Variants in TMEM179 observed in about 807,000 individuals in gnomAD.
The protein encoded by TMEM179 is transmembrane protein 179A.
In TMEM179, 17 loss-of-function variants were observed where a neutral mutation model predicts 22.2. The observed-to-expected ratio is 0.77, with a 90% CI of 0.52 to 1.15. The LOEUF (loss-of-function observed/expected upper bound fraction) is 1.15, where lower values mean the gene tolerates loss of function less well. Ranked by LOEUF, TMEM179 falls within the 50% of genes most tolerant of loss-of-function variation. The pLI is 0.00. For synonymous variants in TMEM179, 127 were observed against 140.5 expected (o/e 0.90, Z 0.68); for missense variants, 265 against 313.6 (o/e 0.84, Z 1.17).
intron 1 of TMEM179, among the ~76,000 whole-genome samples, chr14:104,602,110 G>A (rs369863598): frequency 2.7e-4 from 41 of 152,256 alleles, no homozygotes; most frequent in Admixed American, 3.9e-4. Flanking sequence ...AGTTTGCCAC[G>A]GCTGACAGAC....
At chr14:104,602,701 C>A (rs534215962) in intron 1 of TMEM179, among the ~76,000 whole-genome samples, 11 of 152,336 alleles carry the variant, frequency 7.2e-5, no homozygotes, top group African/African-American at 2.6e-4. Context: ...GGGCAGGACA[C>A]CACCCTGCGC....
In TMEM179 at chr14:104,591,308, C is replaced by T; in HGVS notation, c.*2171G>A. The T allele has an allele frequency of 8.9e-6, 4 of 451,408 alleles. No individual in the cohort carries two copies. The highest frequency in any genetic ancestry group is 6.3e-5 in the South Asian group (4 of 63,816). The allele number at this position is 451,408 out of a possible 1,614,324, so 28.0% of individuals were successfully genotyped here. ...TTCCAGAAGCCACCCCTGCCTCCTGCCCCTCCTTCAGGGCCCTAGATGGCT... is the reference window on the plus strand; with the variant it reads ...TTCCAGAAGCCACCCCTGCCTCCTGTCCCTCCTTCAGGGCCCTAGATGGCT... On this transcript the variant is annotated 3_prime_UTR_variant, in exon 4 of 4. Coordinates refer to ENST00000556573, the MANE Select transcript of TMEM179 (RefSeq NM_001286389.2).
rs35526829 is a variant in TMEM179, at chr14:104,604,063, G to C, written c.305+374C>G. Among the ~76,000 whole-genome samples the C allele has an allele frequency of 6.6e-6, 1 of 152,218 alleles. No individual in the cohort carries two copies. The highest frequency in any genetic ancestry group is 1.5e-5 in the Non-Finnish European group (1 of 68,028). Reference sequence around the variant, plus strand: ...CCTGGAGAGCTCAGTGCAAGCCCTAGACCGGGCTGGGAGTTGTCGCCGGTC... The same window carrying C: ...CCTGGAGAGCTCAGTGCAAGCCCTACACCGGGCTGGGAGTTGTCGCCGGTC... On this transcript the variant is annotated intron_variant, in intron 1 of 3. Transcript: ENST00000556573. This position sits in a 1 kb window ranked among gnomAD's most constrained non-coding sequence, Gnocchi z 4.6.
rs972557172 is a variant in TMEM179 at position 104,595,058 on chromosome 14, C to G, written c.522+107G>C. On this transcript the variant is annotated intron_variant, in intron 3 of 3. Coordinates refer to ENST00000556573, the MANE Select transcript of TMEM179 (RefSeq NM_001286389.2). This position sits in a 1 kb window ranked among gnomAD's most constrained non-coding sequence, Gnocchi z 5.7. ...CCCATTGCTAACTACCTTATCCACA[C>G]AGGAGCCTGCCTCCTCCTCTGGATG... The G allele has an allele frequency of 1.3e-6, 2 of 1,577,878 alleles. No individual in the cohort carries two copies. The highest frequency in any genetic ancestry group is 2.7e-5 in the African/African-American group (2 of 74,284).
intron 1 of TMEM179, among the ~76,000 whole-genome samples, chr14:104,598,935 G>A (rs1411809924): frequency 2.0e-5 from 3 of 152,218 alleles, no homozygotes; most frequent in Non-Finnish European, 2.9e-5. Context: ...CGTACGCGTG[G>A]GGGGTGACCG....
rs1194432570 is a variant in TMEM179 at position 104,592,169 on chromosome 14, G to A, written c.*1310C>T. 1 of 155,360 alleles carries A rather than the reference G, an allele frequency of 6.4e-6. No homozygotes were observed. The highest frequency in any genetic ancestry group is 2.4e-5 in the African/African-American group (1 of 41,458). The allele number at this position is 155,360 out of a possible 1,614,324, so 9.6% of individuals were successfully genotyped here. On this transcript the variant is annotated 3_prime_UTR_variant, in exon 4 of 4. Transcript: ENST00000556573. ...ACGCACACAATGCTCACACGCACAG[G>A]CGTGCACATGCTCACATGCAACACA...
chr14:104,593,618 G>C lies in TMEM179; in HGVS notation c.563C>G (p.Thr188Ser), dbSNP rs1264486017. The change falls in exon 4 of 4, where the codon ACC becomes AGC. Residue 188 changes from threonine to serine, a missense_variant. Coordinates refer to ENST00000556573, the MANE Select transcript of TMEM179 (RefSeq NM_001286389.2). ...WASWLAWLAITTLAFLKVYHN... is the reference protein window; with the variant it reads ...WASWLAWLAISTLAFLKVYHN... ...GTAGACCTTCAGGAAGGCCAGCGTG[G>C]TGATGGCCAGCCAGGCCAGCCATGA... 1.3e-6 allele frequency: 2 copies of C among 1,496,010 alleles called. No individual in the cohort carries two copies. The highest frequency in any genetic ancestry group is 4.1e-5 in the Admixed American group (2 of 48,486). 92.7% of individuals were successfully genotyped at this position (1,496,010 alleles called of 1,614,324 possible).
Position 104,604,716 on chromosome 14 carries a change from G to A in TMEM179, c.26C>T (p.Ala9Val), listed in dbSNP as rs745596460. 8 of 1,585,014 alleles carry A rather than the reference G, an allele frequency of 5.0e-6. No homozygotes were observed. In the Admixed American group the frequency reaches 1.2e-4, roughly 24 times the overall value. The change falls in exon 1 of 4, where the codon GCT becomes GTT. Residue 9 changes from alanine to valine, a missense_variant. Coordinates refer to ENST00000556573, the MANE Select transcript of TMEM179 (RefSeq NM_001286389.2). This position sits in a 1 kb window ranked among gnomAD's most constrained non-coding sequence, Gnocchi z 4.6. Reference sequence around the variant, plus strand: ...GGCCAAGAAGTAGCAGGCGCACTGAGCGAAAAGGAAATTGTTGAGCGCCAT... The same window carrying A: ...GGCCAAGAAGTAGCAGGCGCACTGAACGAAAAGGAAATTGTTGAGCGCCAT... The part of the protein sequence containing the change: MALNNFLF[A>V]QCACYFLAFL...
intron 1 of TMEM179, among the ~76,000 whole-genome samples, chr14:104,599,182 T>C (rs1887154316): frequency 6.6e-6 from 1 of 152,278 alleles, no homozygotes; most frequent in East Asian, 1.9e-4. Flanking sequence ...TGCCCAAGCC[T>C]GAATCACCAT....
In TMEM179 at chr14:104,591,256, C is replaced by G; in HGVS notation, c.*2223G>C. ...GATCCAGCAGTGCAGCCCCCAAGAA[C>G]AGACCCAACCGGGGCCAAGCCTCAG... On this transcript the variant is annotated 3_prime_UTR_variant, in exon 4 of 4. Coordinates refer to ENST00000556573, the MANE Select transcript of TMEM179 (RefSeq NM_001286389.2). The G allele has an allele frequency of 2.4e-6, 1 of 416,618 alleles. No homozygotes were observed. Among genetic ancestry groups the G allele is most frequent in the South Asian group, 1.8e-5 (1 of 56,662 alleles). 25.8% of individuals were successfully genotyped at this position (416,618 alleles called of 1,614,324 possible). A position where few individuals can be genotyped will look rare whatever the true frequency, so the allele number is the denominator to read the frequency against.
chr14:104,594,082 T>A, intron 3 of TMEM179: 1 of 1,233,512 alleles, frequency 8.1e-7, no homozygotes, highest in Middle Eastern at 3.1e-4. Context: ...AGCCGCTGTT[T>A]CCAAACAGTT....
At position 104,591,117 on chromosome 14, in the gene TMEM179, C is replaced by T. The variant is rs1021471493; in HGVS notation, c.*2362G>A. On this transcript the variant is annotated 3_prime_UTR_variant, in exon 4 of 4. Coordinates refer to ENST00000556573, the MANE Select transcript of TMEM179 (RefSeq NM_001286389.2). ...CACTGCAGGCCCAGCTGCCCCTTCC[C>T]AGGGCGATGTGTCTGGGCTCCGGAG... 8 of 324,494 alleles carry T rather than the reference C, an allele frequency of 2.5e-5. No individual in the cohort carries two copies. Among genetic ancestry groups the T allele is most frequent in the Non-Finnish European group, 4.8e-5 (8 of 165,750 alleles). The allele number at this position is 324,494 out of a possible 1,614,324, so 20.1% of individuals were successfully genotyped here.
rs1886987436 is a variant in TMEM179, at chr14:104,595,410, C to A, written c.444-167G>T. Among the ~76,000 whole-genome samples, 1 of 152,106 alleles carries A rather than the reference C, an allele frequency of 6.6e-6. No individual in the cohort carries two copies. Among genetic ancestry groups the A allele is most frequent in the Non-Finnish European group, 1.5e-5 (1 of 68,010 alleles). ...TCACGGAGGGTTAGCCTCGATGCCT[C>A]CTCCATGGAGCAGGACAGCCTTTGG... On this transcript the variant is annotated intron_variant, in intron 2 of 3. Transcript: ENST00000556573. This position sits in a 1 kb window ranked among gnomAD's most constrained non-coding sequence, Gnocchi z 5.7.
At chr14:104,596,533 A>C (rs1887027696) in intron 2 of TMEM179, among the ~76,000 whole-genome samples, 1 of 152,092 alleles carries the variant, frequency 6.6e-6, no homozygotes, top group African/African-American at 2.4e-5. Flanking sequence ...CACCATGAGG[A>C]CCAAAGCCCT....
chr14:104,599,052 G>A (rs1460245815), intron 1 of TMEM179, among the ~76,000 whole-genome samples: 2 of 152,180 alleles, frequency 1.3e-5, no homozygotes, highest in African/African-American at 2.4e-5. Context: ...GCTCTCTGAA[G>A]ACAGAAAGAG....
chr14:104,604,556 C>T lies in TMEM179; in HGVS notation c.186G>A (p.Val62=), dbSNP rs1325382841. ...LTVQERERFT[V]QEWGPPAACR... The stretch of plus-strand genomic sequence containing the variant: ...AGGCGGCCGGCGGGCCCCACTCCTG[C>T]ACCGTGAAGCGCTCGCGCTCCTGCA... Residue 62 remains valine (V), a synonymous_variant, in exon 1 of 4, where the codon GTG becomes GTA. Coordinates refer to ENST00000556573, the MANE Select transcript of TMEM179 (RefSeq NM_001286389.2). This position sits in a 1 kb window ranked among gnomAD's most constrained non-coding sequence, Gnocchi z 4.6. 6.5e-7 allele frequency: 1 copy of T among 1,533,822 alleles called. No individual in the cohort carries two copies. The highest frequency in any genetic ancestry group is 8.7e-7 in the Non-Finnish European group (1 of 1,143,288).
chr14:104,600,333 C>G (rs1393959430), intron 1 of TMEM179, among the ~76,000 whole-genome samples: 2 of 152,234 alleles, frequency 1.3e-5, no homozygotes, highest in African/African-American at 4.8e-5. Flanking sequence ...GGTGCCCTGC[C>G]AGGATGTGCC....
At position 104,604,761 on chromosome 14, in the gene TMEM179, G is replaced by C. The variant is rs1216495989; in HGVS notation, c.-20C>G. The C allele has an allele frequency of 1.3e-5, 20 of 1,500,432 alleles. No homozygotes were observed. Among genetic ancestry groups the C allele is most frequent in the Non-Finnish European group, 1.7e-5 (19 of 1,128,886 alleles). The allele number at this position is 1,500,432 out of a possible 1,614,324, so 92.9% of individuals were successfully genotyped here. On this transcript the variant is annotated 5_prime_UTR_variant, in exon 1 of 4. Coordinates refer to ENST00000556573, the MANE Select transcript of TMEM179 (RefSeq NM_001286389.2). The surrounding 1 kb of genome is among the most constrained non-coding windows in gnomAD (Gnocchi z 4.6). ...CGCCATGGCCGGCCCGGGCGAGAGC[G>C]GCGGCGGGAAGGCCGCGGGAGGCTG...
chr14:104,594,457 C>T (rs1419087210), intron 3 of TMEM179: 37 of 1,231,720 alleles, frequency 3.0e-5, no homozygotes, highest in African/African-American at 4.7e-5. Context: ...CAGCCACCCC[C>T]ACCCGGCACC....
Sources: allele counts gnomAD v4.1 joint callset (sites outside exome capture counted in the v4.1 genomes callset), GRCh38; gene constraint gnomAD v4.1.1; non-coding constraint Gnocchi (gnomAD v3.1); transcripts MANE v1.5; gene names NCBI Gene and HGNC (gene_info 2026-07-23, HGNC 2026-07-21).